FBXW8: variants seen among roughly 807,000 people sequenced by gnomAD.
The protein encoded by FBXW8 is F-box/WD repeat-containing protein 8.
FBXW8 carries 57 observed loss-of-function variants against 65.3 expected under a neutral mutation model. That is an observed-to-expected ratio of 0.87 (90% CI 0.71 to 1.09). FBXW8 has a LOEUF of 1.09. Ranked by LOEUF, FBXW8 falls within the 50% of genes least tolerant of loss-of-function variation. The pLI is 0.00. For synonymous variants in FBXW8, 308 were observed against 330.2 expected, an observed-to-expected ratio of 0.93 and a Z score of 0.73; for missense variants, 777 against 814.8, an observed-to-expected ratio of 0.95 and a Z score of 0.57.
chr12:117,023,217 T>G (rs1954142600), intron 8 of FBXW8, among the ~76,000 whole-genome samples: 1 of 152,212 alleles, frequency 6.6e-6, no homozygotes, highest in African/African-American at 2.4e-5. Flanking sequence ...TTTCAGAGAA[T>G]CCTGTCGCTC....
At chr12:116,954,736 T>C (rs952836033) in intron 4 of FBXW8, among the ~76,000 whole-genome samples, 20 of 152,204 alleles carry the variant, frequency 1.3e-4, no homozygotes, top group African/African-American at 4.8e-4. Context: ...GATTAATAAA[T>C]TATTTAAAAG....
intron 4 of FBXW8, chr12:116,951,230 C>T (rs2137359502): frequency 6.6e-6 from 1 of 152,306 alleles, no homozygotes; most frequent in South Asian, 2.1e-4. Flanking sequence ...GCTCCTCTTT[C>T]TAAGAAAACC....
chr12:116,953,589 G>A (rs1478313943), intron 4 of FBXW8, among the ~76,000 whole-genome samples: 1 of 151,642 alleles, frequency 6.6e-6, no homozygotes, highest in East Asian at 1.9e-4. Flanking sequence ...GGCTAACACG[G>A]TGAAACCCTG....
intron 2 of FBXW8, among the ~76,000 whole-genome samples, chr12:116,933,241 A>C (rs867161609): frequency 6.6e-6 from 1 of 152,254 alleles, no homozygotes; most frequent in Admixed American, 6.5e-5. Flanking sequence ...AACAGGGTCT[A>C]ATAGCTAGCT....
intron 4 of FBXW8, among the ~76,000 whole-genome samples, chr12:116,955,420 A>G (rs1045074000): frequency 2.0e-5 from 3 of 152,192 alleles, no homozygotes; most frequent in Non-Finnish European, 2.9e-5. Flanking sequence ...ACCAGTCTCT[A>G]CAGAATCAGT....
intron 1 of FBXW8, among the ~76,000 whole-genome samples, chr12:116,923,584 C>T (rs537115008): frequency 2.6e-4 from 40 of 151,926 alleles, no homozygotes; most frequent in Non-Finnish European, 4.6e-4. Context: ...AGTGCAGTGG[C>T]GCGATCTCGG....
intron 5 of FBXW8, among the ~76,000 whole-genome samples, chr12:116,984,612 T>C (rs1376117804): frequency 2.0e-5 from 3 of 152,242 alleles, no homozygotes; most frequent in Non-Finnish European, 4.4e-5. Flanking sequence ...TGATGCTACA[T>C]GTAGGAAATT....
chr12:116,988,868 A>G lies in FBXW8; in HGVS notation c.1238A>G (p.Lys413Arg), dbSNP rs1469294710. 7 of 1,613,270 alleles carry G rather than the reference A, an allele frequency of 4.3e-6. No homozygotes were observed. Among genetic ancestry groups the G allele is most frequent in the African/African-American group, 2.7e-5 (2 of 74,900 alleles). ...CTGGGATGGGTGTACGAAGGAAGCA[A>G]GGTACACAACTAGCAAGATATATAA... ...QGLGWVYEGS[K>R]ILVYSLEAGR... The change falls in exon 7 of 11, where the codon AAG becomes AGG. Residue 413 changes from lysine to arginine, a missense_variant and splice_region_variant. Coordinates refer to ENST00000652555, the MANE Select transcript of FBXW8 (RefSeq NM_153348.3).
intron 4 of FBXW8, among the ~76,000 whole-genome samples, chr12:116,959,458 A>G (rs970449446): frequency 1.3e-5 from 2 of 152,140 alleles, no homozygotes; most frequent in Non-Finnish European, 2.9e-5. Context: ...GACCCTGGGT[A>G]AGTCACTTAA....
intron 1 of FBXW8, among the ~76,000 whole-genome samples, chr12:116,925,082 A>G (rs1301987379): frequency 2.0e-5 from 3 of 152,308 alleles, no homozygotes; most frequent in East Asian, 3.9e-4. Context: ...TGGTTAAAAA[A>G]AAAAAAGATT....
chr12:116,938,946 A>G (rs146750027), intron 2 of FBXW8, among the ~76,000 whole-genome samples: 216 of 152,290 alleles, frequency 1.4e-3, no homozygotes, highest in South Asian at 2.5e-3. Context: ...TCTCTGTCAC[A>G]TGCCAAAGGT....
intron 1 of FBXW8, among the ~76,000 whole-genome samples, chr12:116,915,685 C>T (rs1315146967): frequency 1.7e-5 from 2 of 118,696 alleles, no homozygotes; most frequent in African/African-American, 6.6e-5. Context: ...TAGAGTCTTA[C>T]CCTGTAACCT....
intron 1 of FBXW8, among the ~76,000 whole-genome samples, chr12:116,918,922 G>T (rs953062136): frequency 2.6e-5 from 4 of 152,078 alleles, no homozygotes; most frequent in South Asian, 2.1e-4. Context: ...ACCCCCGGTG[G>T]GTGCTTGAAA....
rs1338767742 is a variant in FBXW8, at chr12:116,961,870, G to GT, written c.678-2826dup. On this transcript the variant is annotated intron_variant, in intron 4 of 10. Coordinates refer to ENST00000652555, the MANE Select transcript of FBXW8 (RefSeq NM_153348.3). This position sits in a 1 kb window ranked among gnomAD's most constrained non-coding sequence, Gnocchi z 4.4. Reference sequence around the variant, plus strand: ...TCAGGTGTTTTGAAGGGCTTGGCTTGTGGGGGGAGGATTGAATGGAAGAAG... The same window carrying GT: ...TCAGGTGTTTTGAAGGGCTTGGCTTGTTGGGGGGAGGATTGAATGGAAGAAG... Among the ~76,000 whole-genome samples the GT allele has an allele frequency of 6.6e-6, 1 of 152,234 alleles. No homozygotes were observed. The highest frequency in any genetic ancestry group is 1.5e-5 in the Non-Finnish European group (1 of 68,042).
intron 1 of FBXW8, among the ~76,000 whole-genome samples, chr12:116,925,807 C>T (rs185558283): frequency 6.6e-6 from 1 of 152,334 alleles, no homozygotes. Flanking sequence ...TTCTTAATAG[C>T]ATACCTATTT....
At chr12:116,939,867 G>C (rs1225570357) in intron 2 of FBXW8, among the ~76,000 whole-genome samples, 1 of 152,186 alleles carries the variant, frequency 6.6e-6, no homozygotes, top group African/African-American at 2.4e-5. Flanking sequence ...CCCTATCTGT[G>C]CTTCATGATT....
At chr12:116,955,209 G>T (rs1438109028) in intron 4 of FBXW8, among the ~76,000 whole-genome samples, 4 of 152,182 alleles carry the variant, frequency 2.6e-5, no homozygotes, top group Admixed American at 2.6e-4. Context: ...CCTCGTTCTT[G>T]TCTTTCTCTG....
At chr12:117,019,370 A>G (rs1398500293) in intron 8 of FBXW8, among the ~76,000 whole-genome samples, 1 of 152,242 alleles carries the variant, frequency 6.6e-6, no homozygotes, top group East Asian at 1.9e-4. Flanking sequence ...TGTTGGCCAC[A>G]TAGAATTTTA....
intron 9 of FBXW8, among the ~76,000 whole-genome samples, chr12:117,027,118 A>G (rs1220222627): frequency 1.3e-5 from 2 of 152,134 alleles, no homozygotes; most frequent in Non-Finnish European, 1.5e-5. Context: ...TGTGCCCTTT[A>G]TGTCTGGAAT....
Sources: gnomAD v4.1 joint callset for allele counts (sites outside exome capture counted in the v4.1 genomes callset) on GRCh38, gnomAD v4.1.1 for gene constraint, Gnocchi (gnomAD v3.1) non-coding constraint, MANE v1.5 for transcripts, NCBI Gene and HGNC (gene_info 2026-07-23, HGNC 2026-07-21) for gene names.